METTL25: variants seen among roughly 807,000 people sequenced by gnomAD.
The protein encoded by METTL25 is probable methyltransferase-like protein 25.
A neutral mutation model predicts 71.6 loss-of-function variants in METTL25; 64 were observed. The observed-to-expected ratio is 0.89, with a 90% CI of 0.73 to 1.10. The LOEUF (loss-of-function observed/expected upper bound fraction) is 1.10, where lower values mean the gene tolerates loss of function less well. Among genes scored for constraint, METTL25 ranks in the 50% least tolerant of loss-of-function variants. The pLI, the probability that METTL25 is intolerant of heterozygous loss-of-function variation, is 0.00. For synonymous variants in METTL25, 287 were observed against 250.3 expected, an observed-to-expected ratio of 1.15 and a Z score of -1.38; for missense variants, 807 against 707.0, an observed-to-expected ratio of 1.14 and a Z score of -1.60.
intron 5 of METTL25, among the ~76,000 whole-genome samples, chr12:82,420,237 C>T (rs549279359): frequency 6.6e-6 from 1 of 151,930 alleles, no homozygotes; most frequent in South Asian, 2.1e-4. Flanking sequence ...TTTGATTATA[C>T]AAAATAAAAT....
chr12:82,406,079 T>C (rs916202265), intron 5 of METTL25, among the ~76,000 whole-genome samples: 4 of 152,082 alleles, frequency 2.6e-5, no homozygotes, highest in African/African-American at 7.2e-5. Context: ...TCAATAGTTA[T>C]GGAAAGAGAT....
intron 8 of METTL25, among the ~76,000 whole-genome samples, chr12:82,441,842 T>G (rs1056130343): frequency 2.3e-4 from 13 of 55,388 alleles, no homozygotes; most frequent in South Asian, 1.8e-3. Flanking sequence ...CAGAAAAACC[T>G]GTGACTCCAC....
chr12:82,423,748 C>A (rs1228040419), intron 5 of METTL25, among the ~76,000 whole-genome samples: 1 of 152,022 alleles, frequency 6.6e-6, no homozygotes. Context: ...AGACACTTCT[C>A]AAAAGACATT....
rs370253053 is a variant in METTL25 at position 82,399,230 on chromosome 12, G to A, written c.967G>A (p.Val323Ile). The change falls in exon 4 of 12, where the codon GTA (valine) becomes ATA (isoleucine). Residue 323 changes from valine to isoleucine, a missense_variant. Val to Ile is a conservative substitution (Grantham distance 29). Transcript: ENST00000248306. ...SLINLLPINA[V>I]EPTSSQQIPN... Reference sequence around the variant, plus strand: ...TATAAACCTTTTGCCTATTAATGCTGTAGAGCCTACTTCTTCACAGCAAAT... The same window carrying A: ...TATAAACCTTTTGCCTATTAATGCTATAGAGCCTACTTCTTCACAGCAAAT... 45 of 1,613,450 alleles carry A rather than the reference G, an allele frequency of 2.8e-5. No individual in the cohort carries two copies. Among genetic ancestry groups the A allele is most frequent in the Middle Eastern group, 1.6e-4 (1 of 6,070 alleles).
intron 9 of METTL25, among the ~76,000 whole-genome samples, chr12:82,458,688 C>T (rs905138370): frequency 1.1e-4 from 17 of 152,032 alleles, no homozygotes; most frequent in African/African-American, 1.9e-4. Flanking sequence ...TTTTTAAATA[C>T]GCCAGAGCAT....
At chr12:82,438,611 T>G in intron 7 of METTL25, 107 bp from the exon 8 acceptor site, 1 of 573,096 alleles carries the variant, frequency 1.7e-6, no homozygotes, top group East Asian at 3.2e-5. Context: ...CCTCTGTGTT[T>G]AGCAACAAAG....
chr12:82,451,427 T>C, intron 8 of METTL25: 1 of 205,192 alleles, frequency 4.9e-6, no homozygotes, highest in Non-Finnish European at 8.6e-6. Flanking sequence ...GCCTAAGTTT[T>C]CCCATCTGTA....
At chr12:82,449,855 T>C (rs1393098338) in intron 8 of METTL25, among the ~76,000 whole-genome samples, 1 of 152,088 alleles carries the variant, frequency 6.6e-6, no homozygotes, top group Non-Finnish European at 1.5e-5. Flanking sequence ...TTCTTTCCTT[T>C]ATAGCAAAAT....
rs749156538 is a variant in METTL25, at chr12:82,386,855, T to C, written c.312T>C (p.Ser104=). The C allele has an allele frequency of 5.0e-6, 8 of 1,613,348 alleles. No homozygotes were observed. Among genetic ancestry groups the C allele is most frequent in the South Asian group, 1.1e-5 (1 of 91,070 alleles). Residue 104 remains serine (S), a synonymous_variant, in exon 2 of 12, where the codon AGT becomes AGC. Coordinates refer to ENST00000248306, the MANE Select transcript of METTL25 (RefSeq NM_032230.3). ...GTGAAACTTCTCAGAAGTTGGTGAG[T>C]GTGGAAGCCTTTGCTCTGGCTGCGA... ...IFCETSQKLV[S]VEAFALAAKY... is the part of the protein sequence containing the mutation.
At chr12:82,431,153 T>C (rs921766055) in intron 6 of METTL25, among the ~76,000 whole-genome samples, 166 bp downstream of exon 6, 2 of 151,462 alleles carry the variant, frequency 1.3e-5, no homozygotes, top group African/African-American at 4.8e-5. Context: ...TTAAACAATA[T>C]CCACTCTACA....
chr12:82,400,397 A>G (rs1391185594), intron 4 of METTL25, among the ~76,000 whole-genome samples: 1 of 151,998 alleles, frequency 6.6e-6, no homozygotes. Context: ...TTCTTTATAA[A>G]TTTAAATCCT....
At chr12:82,397,849 G>T (rs1300342701) in intron 3 of METTL25, among the ~76,000 whole-genome samples, 1 of 151,732 alleles carries the variant, frequency 6.6e-6, no homozygotes, top group Admixed American at 6.6e-5. Flanking sequence ...TTATGTGTCT[G>T]TTTTTATACT....
At chr12:82,475,381 G>C (rs76413495) in intron 9 of METTL25, among the ~76,000 whole-genome samples, 4,544 of 152,162 alleles carry the variant, frequency 0.03, 82 homozygotes, top group Middle Eastern at 0.065. Flanking sequence ...TGTGTAATCT[G>C]CATGGGTTCT....
intron 7 of METTL25, chr12:82,438,503 T>C (rs1890081869): frequency 2.9e-6 from 1 of 346,810 alleles, no homozygotes; most frequent in African/African-American, 2.1e-5. Flanking sequence ...ACTGTTTCTT[T>C]TATGGTTTCT....
chr12:82,367,213 G>A (rs946195570), intron 1 of METTL25, among the ~76,000 whole-genome samples: 5 of 151,782 alleles, frequency 3.3e-5, no homozygotes, highest in African/African-American at 7.3e-5. Context: ...ATATTATACT[G>A]TTTTCCTGTG....
chr12:82,367,318 A>G (rs1359589132), intron 1 of METTL25, among the ~76,000 whole-genome samples: 1 of 152,182 alleles, frequency 6.6e-6, no homozygotes, highest in Non-Finnish European at 1.5e-5. Context: ...GCTTATAGTT[A>G]TGGTTACCTG....
chr12:82,474,658 T>C (rs1892778626), intron 9 of METTL25: 1 of 152,222 alleles, frequency 6.6e-6, no homozygotes, highest in Non-Finnish European at 1.5e-5. Context: ...GTTTCACTGT[T>C]TGGGGTTCTC....
intron 1 of METTL25, among the ~76,000 whole-genome samples, chr12:82,375,549 T>C (rs1426840490): frequency 6.6e-6 from 1 of 152,228 alleles, no homozygotes; most frequent in Non-Finnish European, 1.5e-5. Context: ...CATGTAGAGA[T>C]ATTTAAGAAG....
intron 4 of METTL25, among the ~76,000 whole-genome samples, chr12:82,399,755 T>C (rs1886416559): frequency 6.6e-6 from 1 of 152,200 alleles, no homozygotes; most frequent in African/African-American, 2.4e-5. Context: ...TAATGTTCAA[T>C]GTTACACTTG....
Sources: allele counts gnomAD v4.1 joint callset (sites outside exome capture counted in the v4.1 genomes callset), GRCh38; gene constraint gnomAD v4.1.1; transcripts MANE v1.5; gene names NCBI Gene and HGNC (gene_info 2026-07-23, HGNC 2026-07-21).